Variants in KALRN observed in about 807,000 individuals in gnomAD.
KALRN encodes kalirin RhoGEF kinase, also known as kalirin.
A neutral mutation model predicts 353.7 loss-of-function variants in KALRN; 70 were observed. The observed-to-expected ratio is 0.20, with a 90% CI of 0.16 to 0.24. KALRN has a LOEUF of 0.24. KALRN is among the 10% of genes least tolerant of loss of function. The pLI is 1.00. For missense variants in KALRN, 2,791 were observed against 3,756.7 expected, an observed-to-expected ratio of 0.74 and a Z score of 6.72; for synonymous variants, 1,391 against 1,434.8, an observed-to-expected ratio of 0.97 and a Z score of 0.69.
At chr3:124,636,300 G>C (rs183687076) in intron 36 of KALRN, among the ~76,000 whole-genome samples, 3 of 152,100 alleles carry the variant, frequency 2.0e-5, no homozygotes, top group African/African-American at 4.8e-5. Flanking sequence ...AAACGGTGCA[G>C]GGTTAACTAT....
chr3:124,218,849 T>G (rs1320806487), intron 1 of KALRN, among the ~76,000 whole-genome samples: 1 of 152,212 alleles, frequency 6.6e-6, no homozygotes, highest in Non-Finnish European at 1.5e-5. Context: ...CCCATATGTT[T>G]AAAGTGCTAA....
chr3:124,085,338 T>C (rs576439624), intron 1 of KALRN, among the ~76,000 whole-genome samples: 28 of 152,330 alleles, frequency 1.8e-4, no homozygotes, highest in African/African-American at 5.3e-4. Context: ...AAACATAGTT[T>C]CCATTGCTGA....
intron 49 of KALRN, 46 bp from the exon 50 acceptor site, chr3:124,678,144 T>C: frequency 6.2e-7 from 1 of 1,605,634 alleles, no homozygotes; most frequent in Non-Finnish European, 8.5e-7. Context: ...TCCACATCGC[T>C]GTCCCTGACC....
intron 10 of KALRN, among the ~76,000 whole-genome samples, chr3:124,376,391 T>A (rs904588691): frequency 1.3e-5 from 2 of 152,304 alleles, no homozygotes. Flanking sequence ...TCAGCAGTTG[T>A]AATGTGGTGG....
chr3:124,282,566 G>T (rs2075457222), intron 5 of KALRN, among the ~76,000 whole-genome samples: 1 of 152,000 alleles, frequency 6.6e-6, no homozygotes, highest in Admixed American at 6.6e-5. Flanking sequence ...TAGTAGAGAT[G>T]GGGTTTCTCC....
intron 49 of KALRN, among the ~76,000 whole-genome samples, chr3:124,676,731 T>C (rs1248081247): frequency 2.6e-5 from 4 of 152,214 alleles, no homozygotes; most frequent in Non-Finnish European, 5.9e-5. Context: ...TCTCCCTGAC[T>C]CAAGTTGTTC....
intron 37 of KALRN, among the ~76,000 whole-genome samples, chr3:124,645,909 C>T (rs2082658025): frequency 6.6e-6 from 1 of 151,384 alleles, no homozygotes; most frequent in South Asian, 2.1e-4. Context: ...CATAAGTCTA[C>T]ATTCCCACCA....
chr3:124,132,375 GA>G (rs1430775902), intron 1 of KALRN, among the ~76,000 whole-genome samples: 2 of 152,164 alleles, frequency 1.3e-5, no homozygotes, highest in Non-Finnish European at 2.9e-5. Context: ...CCAGAGCCTA[GA>G]ACCCGAGCCG....
intron 21 of KALRN, among the ~76,000 whole-genome samples, chr3:124,451,026 CA>C (rs551274133): frequency 2.0e-5 from 3 of 148,430 alleles, no homozygotes; most frequent in South Asian, 2.1e-4. Context: ...TTTGTGTCTA[CA>C]AAAAAAAATT....
chr3:124,566,376 AC>A (rs1230832352), intron 34 of KALRN, among the ~76,000 whole-genome samples: 2 of 151,908 alleles, frequency 1.3e-5, no homozygotes, highest in Non-Finnish European at 2.9e-5. Flanking sequence ...GGTGGTGTGC[AC>A]CTATATAGTC....
chr3:124,368,397 G>C (rs1408834892), intron 10 of KALRN, among the ~76,000 whole-genome samples: 93 of 148,962 alleles, frequency 6.2e-4, no homozygotes, highest in Non-Finnish European at 1.0e-4. Flanking sequence ...TCGCGGCCGG[G>C]CAGAGGCGCT....
intron 33 of KALRN, among the ~76,000 whole-genome samples, chr3:124,525,558 G>A (rs2067517852): frequency 6.6e-6 from 1 of 152,174 alleles, no homozygotes; most frequent in Non-Finnish European, 1.5e-5. Flanking sequence ...GACCTGTAAG[G>A]ATAGCACTCT....
At chr3:124,421,611 G>A (rs2092786248) in intron 14 of KALRN, among the ~76,000 whole-genome samples, 1 of 152,176 alleles carries the variant, frequency 6.6e-6, no homozygotes, top group African/African-American at 2.4e-5. Context: ...TCCAGCTCAG[G>A]ACTGTTCCAA....
intron 41 of KALRN, 68 bp from the exon 42 acceptor site, chr3:124,658,363 G>A (rs550457242): frequency 1.0e-5 from 12 of 1,201,222 alleles, no homozygotes; most frequent in South Asian, 6.0e-5. Context: ...AGGCCAGCAC[G>A]GCACTCTGAG....
chr3:124,532,580 C>T (rs182993670), intron 33 of KALRN, among the ~76,000 whole-genome samples: 24 of 151,880 alleles, frequency 1.6e-4, no homozygotes, highest in South Asian at 6.3e-4. Context: ...CTGAGGTGGG[C>T]GGATCACTTG....
chr3:124,710,289 T>C (rs2062829189), intron 57 of KALRN, among the ~76,000 whole-genome samples: 1 of 152,130 alleles, frequency 6.6e-6, no homozygotes, highest in Non-Finnish European at 1.5e-5. Context: ...TATAATTCTA[T>C]TGGGAAGACA....
At chr3:124,616,156 G>A (rs1185438762) in intron 34 of KALRN, among the ~76,000 whole-genome samples, 2 of 152,052 alleles carry the variant, frequency 1.3e-5, no homozygotes, top group African/African-American at 2.4e-5. Context: ...CTTCTCTCAG[G>A]TTTCCTAGGA....
chr3:124,139,564 G>A (rs1001801846), intron 1 of KALRN, among the ~76,000 whole-genome samples: 3 of 152,160 alleles, frequency 2.0e-5, no homozygotes, highest in Admixed American at 6.5e-5. Flanking sequence ...GGGACAAGGA[G>A]GGTTTGTACA....
At chr3:124,265,187 T>C (rs140929719) in intron 4 of KALRN, among the ~76,000 whole-genome samples, 1,537 of 152,160 alleles carry the variant, frequency 0.01, 42 homozygotes, top group Admixed American at 0.047. Context: ...TTTTGAAATA[T>C]ACCATAAATG....
Sources: gnomAD v4.1 joint callset for allele counts (sites outside exome capture counted in the v4.1 genomes callset) on GRCh38, gnomAD v4.1.1 for gene constraint, MANE v1.5 for transcripts, NCBI Gene and HGNC (gene_info 2026-07-23, HGNC 2026-07-21) for gene names.